PLCL2: variants seen among roughly 807,000 people sequenced by gnomAD.
The protein encoded by PLCL2 is phospholipase C like 2.
A neutral mutation model predicts 79.6 loss-of-function variants in PLCL2; 4 were observed. That is an observed-to-expected ratio of 0.05 (90% CI 0.02 to 0.11). The LOEUF (loss-of-function observed/expected upper bound fraction) is 0.11, where lower values mean the gene tolerates loss of function less well. Among genes scored for constraint, PLCL2 ranks in the 10% least tolerant of loss-of-function variants. The pLI is 1.00. For synonymous variants in PLCL2, 484 were observed against 457.7 expected (o/e 1.06, Z -0.73); for missense variants, 895 against 1,291.0 (o/e 0.69, Z 4.70).
intron 4 of PLCL2, among the ~76,000 whole-genome samples, chr3:17,057,203 A>G (rs2064900364): frequency 6.6e-6 from 1 of 152,180 alleles, no homozygotes; most frequent in Non-Finnish European, 1.5e-5. Context: ...AAATTTTTAT[A>G]ATGCAACTTA....
chr3:16,997,185 TCTGA>T (rs1284923042), intron 1 of PLCL2, among the ~76,000 whole-genome samples: 2 of 152,226 alleles, frequency 1.3e-5, no homozygotes, highest in African/African-American at 2.4e-5. Flanking sequence ...GATTTTCTAT[TCTGA>T]CTATCAAAAT....
chr3:17,033,017 C>G (rs1458876130), intron 3 of PLCL2, among the ~76,000 whole-genome samples: 2 of 152,054 alleles, frequency 1.3e-5, no homozygotes, highest in African/African-American at 4.8e-5. Flanking sequence ...AACTAGCTAC[C>G]TACAGATAAG....
At chr3:17,028,973 A>G (rs569930829) in intron 3 of PLCL2, among the ~76,000 whole-genome samples, 20 of 152,272 alleles carry the variant, frequency 1.3e-4, no homozygotes, top group Non-Finnish European at 8.8e-5. Flanking sequence ...TCTTTCCCAT[A>G]TGTCCCTGTA....
chr3:16,958,635 A>T (rs2063728009), intron 1 of PLCL2, among the ~76,000 whole-genome samples: 1 of 152,236 alleles, frequency 6.6e-6, no homozygotes, highest in Non-Finnish European at 1.5e-5. Context: ...ACTCTTATAT[A>T]TAAAAAATAA....
rs762437476 is a variant in PLCL2, at chr3:17,011,924, C to G, written c.2578C>G (p.Pro860Ala). The change falls in exon 2 of 6, where the codon CCC (proline) becomes GCC (alanine). Residue 860 changes from proline to alanine, a missense_variant. Around this residue, in one of 6 missense-constraint regions of PLCL2, gnomAD observed 298 missense variants for 459.6 expected, o/e 0.65. Coordinates refer to ENST00000615277, the MANE Select transcript of PLCL2 (RefSeq NM_001144382.2). This position sits in a 1 kb window ranked among gnomAD's most constrained non-coding sequence, Gnocchi z 7.9. ...TTTACAGACGGGCTACCGCCATGTC[C>G]CCCTGCAGTCCTTAACTGGAGAGGT... ...ECLQTGYRHV[P>A]LQSLTGEVLA... The G allele has an allele frequency of 1.9e-6, 3 of 1,614,222 alleles. No homozygotes were observed. The highest frequency in any genetic ancestry group is 2.5e-6 in the Non-Finnish European group (3 of 1,180,026).
intron 1 of PLCL2, among the ~76,000 whole-genome samples, chr3:16,932,722 G>A (rs1368282013): frequency 6.6e-6 from 1 of 152,112 alleles, no homozygotes; most frequent in African/African-American, 2.4e-5. Flanking sequence ...TTACTCCCTT[G>A]AACGTATCTT....
Position 17,010,193 on chromosome 3 carries a change from A to C in PLCL2, c.847A>C (p.Asn283His), listed in dbSNP as rs1241756727. Residue 283 changes from asparagine (N) to histidine (H), a missense_variant, in exon 2 of 6, where the codon AAC becomes CAC. This residue lies in a region of PLCL2 where 93 missense variants were observed against 93.2 expected (regional missense o/e 1.00). Coordinates refer to ENST00000615277, the MANE Select transcript of PLCL2 (RefSeq NM_001144382.2). This position sits in a 1 kb window ranked among gnomAD's most constrained non-coding sequence, Gnocchi z 5.8. ...SQMFSEIDVD[N>H]LGHITLCNAV... ...AATGTTTAGTGAAATTGATGTAGAT[A>C]ACCTTGGACATATAACTCTGTGTAA... The C allele has an allele frequency of 6.2e-7, 1 of 1,614,106 alleles. No individual in the cohort carries two copies. Among genetic ancestry groups the C allele is most frequent in the Non-Finnish European group, 8.5e-7 (1 of 1,179,940 alleles).
chr3:16,969,689 C>G (rs1575560831), intron 1 of PLCL2, among the ~76,000 whole-genome samples: 1 of 151,978 alleles, frequency 6.6e-6, no homozygotes, highest in Non-Finnish European at 1.5e-5. Context: ...CTACAAATAA[C>G]CAACTCCTGG....
intron 1 of PLCL2, among the ~76,000 whole-genome samples, chr3:16,993,338 C>T (rs932348302): frequency 6.6e-6 from 1 of 152,146 alleles, no homozygotes; most frequent in Non-Finnish European, 1.5e-5. Flanking sequence ...TCCAGCCATT[C>T]CTGTGGTTTG....
chr3:16,896,872 A>G (rs1696492032), intron 1 of PLCL2, among the ~76,000 whole-genome samples: 1 of 152,238 alleles, frequency 6.6e-6, no homozygotes, highest in South Asian at 2.1e-4. Flanking sequence ...TCTAAAACAT[A>G]CTAATGTGAA....
intron 1 of PLCL2, among the ~76,000 whole-genome samples, chr3:16,973,601 A>G (rs954584772): frequency 1.3e-5 from 2 of 152,196 alleles, no homozygotes; most frequent in African/African-American, 4.8e-5. Flanking sequence ...GCTCATGAAA[A>G]CACTGAGAAC....
chr3:17,064,754 C>A (rs1233978965), intron 4 of PLCL2, among the ~76,000 whole-genome samples: 1 of 151,618 alleles, frequency 6.6e-6, no homozygotes. Flanking sequence ...CATGGTGAAA[C>A]CCCATCTGTA....
At chr3:16,981,491 TTAAAA>T (rs1273068431) in intron 1 of PLCL2, among the ~76,000 whole-genome samples, 4 of 152,190 alleles carry the variant, frequency 2.6e-5, no homozygotes, top group African/African-American at 9.7e-5. Context: ...CATATGGAGT[TTAAAA>T]TAGTAATCAA....
intron 4 of PLCL2, among the ~76,000 whole-genome samples, chr3:17,057,709 T>G (rs1031044206): frequency 2.0e-5 from 3 of 152,354 alleles, no homozygotes; most frequent in East Asian, 1.9e-4. Flanking sequence ...AATTTACTTA[T>G]GCCCATCACT....
chr3:16,980,934 G>A (rs959780666), intron 1 of PLCL2, among the ~76,000 whole-genome samples: 13 of 152,254 alleles, frequency 8.5e-5, no homozygotes, highest in African/African-American at 3.1e-4. Context: ...AGGAGCTGGA[G>A]ACCAGCCCGG....
intron 5 of PLCL2, among the ~76,000 whole-genome samples, chr3:17,074,115 CAGCTAT>C (rs1263218141): frequency 5.3e-5 from 8 of 152,230 alleles, no homozygotes; most frequent in Admixed American, 2.6e-4. Flanking sequence ...CTATCTATGG[CAGCTAT>C]AGCCTTATGA....
At chr3:17,029,828 A>G (rs927701341) in intron 3 of PLCL2, among the ~76,000 whole-genome samples, 6 of 152,134 alleles carry the variant, frequency 3.9e-5, no homozygotes, top group African/African-American at 1.4e-4. Flanking sequence ...CACCAGCTCT[A>G]GCTCCACCTT....
At chr3:16,903,354 A>G (rs375695974) in intron 1 of PLCL2, among the ~76,000 whole-genome samples, 4 of 152,172 alleles carry the variant, frequency 2.6e-5, no homozygotes, top group South Asian at 2.1e-4. Context: ...CATTGATACT[A>G]TGCGTGGTCT....
At chr3:16,981,910 C>A (rs1186892853) in intron 1 of PLCL2, among the ~76,000 whole-genome samples, 1 of 152,200 alleles carries the variant, frequency 6.6e-6, no homozygotes, top group Non-Finnish European at 1.5e-5. Context: ...GATATCTTAT[C>A]CCAAAGCTCC....
Sources: allele counts gnomAD v4.1 joint callset (sites outside exome capture counted in the v4.1 genomes callset), GRCh38; gene constraint gnomAD v4.1.1; regional missense constraint gnomAD v4.1.1; non-coding constraint Gnocchi (gnomAD v3.1); transcripts MANE v1.5; gene names NCBI Gene and HGNC (gene_info 2026-07-23, HGNC 2026-07-21).